The following UGGT2 variants were observed in gnomAD, a reference collection of about 807,000 sequenced individuals.
UGGT2 encodes UDP-glucose:glycoprotein glucosyltransferase 2.
A neutral mutation model predicts 192.1 loss-of-function variants in UGGT2; 180 were observed. The ratio of observed to expected loss-of-function variants is 0.94; its 90% CI spans 0.83 to 1.06. UGGT2 has a LOEUF of 1.06. Among genes scored for constraint, UGGT2 ranks in the 50% least tolerant of loss-of-function variants. The pLI is 0.00. For missense variants in UGGT2, 1,849 were observed against 1,795.7 expected, an observed-to-expected ratio of 1.03 and a Z score of -0.54; for synonymous variants, 580 against 591.0, an observed-to-expected ratio of 0.98 and a Z score of 0.27.
intron 2 of UGGT2, among the ~76,000 whole-genome samples, chr13:96,024,655 CTA>C (rs749878434): frequency 1.1e-3 from 172 of 152,332 alleles, no homozygotes; most frequent in Non-Finnish European, 1.7e-3. Flanking sequence ...AGGCTGGCCT[CTA>C]GACATTCTCT....
intron 12 of UGGT2, among the ~76,000 whole-genome samples, chr13:95,955,597 A>T (rs1362837806): frequency 6.6e-6 from 1 of 152,162 alleles, no homozygotes; most frequent in African/African-American, 2.4e-5. Flanking sequence ...CTTATCAGGA[A>T]GGGCACACAC....
chr13:96,014,710 C>T (rs762709618), intron 4 of UGGT2, among the ~76,000 whole-genome samples: 10 of 152,172 alleles, frequency 6.6e-5, no homozygotes, highest in Non-Finnish European at 1.3e-4. Flanking sequence ...TCATGAGAGG[C>T]TATTAATAAA....
At chr13:95,983,467 T>A in intron 10 of UGGT2, 1 of 415,114 alleles carries the variant, frequency 2.4e-6, no homozygotes, top group Non-Finnish European at 4.7e-6. Context: ...TCCAGTGGTC[T>A]AACACTGACT....
At chr13:95,932,547 A>C (rs1566720469) in intron 17 of UGGT2, among the ~76,000 whole-genome samples, 3 of 151,974 alleles carry the variant, frequency 2.0e-5, no homozygotes, top group Admixed American at 6.5e-5. Context: ...CAGTGAAGAG[A>C]GATACTGGAC....
intron 20 of UGGT2, among the ~76,000 whole-genome samples, chr13:95,919,673 A>T (rs981370889): frequency 6.6e-6 from 1 of 152,220 alleles, no homozygotes; most frequent in Non-Finnish European, 1.5e-5. Flanking sequence ...TTCAAGGAGA[A>T]TTACAAACCA....
intron 36 of UGGT2, among the ~76,000 whole-genome samples, chr13:95,852,281 C>A (rs1889128438): frequency 6.6e-6 from 1 of 152,146 alleles, no homozygotes; most frequent in Non-Finnish European, 1.5e-5. Context: ...TGCTATTCCT[C>A]AAACATGGAA....
chr13:95,921,484 A>T (rs941351393), intron 20 of UGGT2, among the ~76,000 whole-genome samples: 7 of 151,936 alleles, frequency 4.6e-5, no homozygotes, highest in Non-Finnish European at 8.8e-5. Context: ...CACACTGTGA[A>T]TTTTTTTTCC....
chr13:95,933,462 A>G (rs1413659144), intron 17 of UGGT2, among the ~76,000 whole-genome samples: 1 of 152,028 alleles, frequency 6.6e-6, no homozygotes, highest in Non-Finnish European at 1.5e-5. Context: ...TTTTTCTGTT[A>G]ATCTAGCTAG....
In UGGT2 at chr13:95,936,935, C is replaced by A. The variant is rs2049484567; in HGVS notation, c.1966G>T (p.Glu656Ter). 2.6e-6 allele frequency: 4 copies of A among 1,528,066 alleles called. No individual in the cohort carries two copies. The highest frequency in any genetic ancestry group is 1.8e-4 in the Middle Eastern group (1 of 5,612). The allele number at this position is 1,528,066 out of a possible 1,614,324, so 94.7% of individuals were successfully genotyped here. The change falls in exon 17 of 39, where the codon GAA (glutamate) becomes TAA (stop). Residue 656 changes from glutamate to a stop codon, truncating the protein, a stop_gained. Transcript: ENST00000376747. LOFTEE classifies it high-confidence loss of function. Reference protein sequence around the residue: ...MMDASVYLQREVFLGTLNDRT... With the variant: ...MMDASVYLQR Reference sequence around the variant, plus strand: ...AAATGCTTACCTACCAAAAAAACTTCTCTTTGTAAATATACAGATGCATCC... The same window carrying A: ...AAATGCTTACCTACCAAAAAAACTTATCTTTGTAAATATACAGATGCATCC...
Position 95,853,677 on chromosome 13 carries a change from CT to C in UGGT2, c.4170-21del. 1 of 1,505,952 alleles carries C rather than the reference CT, an allele frequency of 6.6e-7. No individual in the cohort carries two copies. 93.3% of individuals were successfully genotyped at this position (1,505,952 alleles called of 1,614,324 possible). ...AAAGCACTGCAAAAATGAATTACTTCTTGATAGCCTATGTTGTTTATGTAGT... is the reference window on the plus strand; with the variant it reads ...AAAGCACTGCAAAAATGAATTACTTCTGATAGCCTATGTTGTTTATGTAGT... On this transcript the variant is annotated intron_variant, in intron 35 of 38. Transcript: ENST00000376747.
chr13:95,911,849 C>A (rs1159308405), intron 20 of UGGT2, among the ~76,000 whole-genome samples: 5 of 152,156 alleles, frequency 3.3e-5, no homozygotes, highest in Non-Finnish European at 7.3e-5. Context: ...AAAATACTGG[C>A]AAACCAAATC....
intron 38 of UGGT2, chr13:95,809,253 G>A (rs1476507916): frequency 5.2e-6 from 3 of 573,928 alleles, no homozygotes; most frequent in Non-Finnish European, 9.3e-6. Context: ...ATATTCCTCT[G>A]AATTGTACAA....
Position 95,895,228 on chromosome 13 carries a change from C to T in UGGT2, c.2711G>A (p.Gly904Glu), listed in dbSNP as rs779989333. The T allele has an allele frequency of 8.9e-6, 14 of 1,581,540 alleles. No homozygotes were observed. Among genetic ancestry groups the T allele is most frequent in the African/African-American group, 1.4e-5 (1 of 73,474 alleles). ...TTCAACAATGCCTTTAATTTTCTCTCCTAAATTACTAAATGTTATCTTTTC... is the reference window on the plus strand; with the variant it reads ...TTCAACAATGCCTTTAATTTTCTCTTCTAAATTACTAAATGTTATCTTTTC... ...LLEKITFSNL[G>E]EKIKGIVENM... The change falls in exon 23 of 39, where the codon GGA becomes GAA. Residue 904 changes from glycine to glutamate, a missense_variant. Physicochemically the swap from Gly to Glu is moderately conservative, Grantham distance 98. Transcript: ENST00000376747.
chr13:96,006,382 T>C (rs557024123), intron 5 of UGGT2, among the ~76,000 whole-genome samples: 2 of 152,178 alleles, frequency 1.3e-5, no homozygotes, highest in East Asian at 3.9e-4. Flanking sequence ...CCCAGCACTA[T>C]GGGAGGCTGA....
At chr13:95,927,488 T>A (rs925897027) in intron 17 of UGGT2, 152 bp from the exon 18 acceptor site, 39 of 720,358 alleles carry the variant, frequency 5.4e-5, no homozygotes, top group Admixed American at 3.9e-4. Context: ...TTTTTTTTTT[T>A]ATTCTTCAGT....
chr13:96,051,060 T>G (rs991605809), intron 1 of UGGT2, among the ~76,000 whole-genome samples: 4 of 152,278 alleles, frequency 2.6e-5, no homozygotes, highest in African/African-American at 4.8e-5. Flanking sequence ...CTATTCACAA[T>G]AGCAAAGACT....
intron 36 of UGGT2, among the ~76,000 whole-genome samples, chr13:95,837,551 T>C (rs1376351228): frequency 6.6e-6 from 1 of 152,220 alleles, no homozygotes; most frequent in African/African-American, 2.4e-5. Context: ...ACTGTTCATA[T>C]TGGTCACCAC....
intron 23 of UGGT2, 133 bp downstream of exon 23, chr13:95,895,047 G>T: frequency 2.2e-6 from 2 of 896,082 alleles, no homozygotes; most frequent in Non-Finnish European, 3.2e-6. Flanking sequence ...TTTATTATTT[G>T]CTTATATTCT....
chr13:95,938,568 C>T (rs1046571979), intron 16 of UGGT2, among the ~76,000 whole-genome samples: 1 of 152,206 alleles, frequency 6.6e-6, no homozygotes, highest in Non-Finnish European at 1.5e-5. Context: ...CTCTTAACCA[C>T]TGTACTATAC....
Sources: gnomAD v4.1 joint callset for allele counts (sites outside exome capture counted in the v4.1 genomes callset) on GRCh38, gnomAD v4.1.1 for gene constraint, MANE v1.5 for transcripts, NCBI Gene and HGNC (gene_info 2026-07-23, HGNC 2026-07-21) for gene names.